The following KPNA3 variants were observed in gnomAD, a reference collection of about 807,000 sequenced individuals.
The protein encoded by KPNA3 is karyopherin subunit alpha 3.
Under a neutral mutation model 73.8 loss-of-function variants are expected in KPNA3, and 13 were observed. The observed-to-expected ratio is 0.18, with a 90% CI of 0.11 to 0.28. The LOEUF (loss-of-function observed/expected upper bound fraction) is 0.28. Ranked by LOEUF, KPNA3 falls within the 10% of genes least tolerant of loss-of-function variation. The pLI, the probability that KPNA3 is intolerant of heterozygous loss-of-function variation, is 1.00. For synonymous variants in KPNA3, 186 were observed against 206.9 expected, an observed-to-expected ratio of 0.90 and a Z score of 0.87; for missense variants, 360 against 618.1, an observed-to-expected ratio of 0.58 and a Z score of 4.43.
At chr13:49,741,080 G>A (rs1007701334) in intron 2 of KPNA3, among the ~76,000 whole-genome samples, 25 of 152,042 alleles carry the variant, frequency 1.6e-4, no homozygotes, top group Non-Finnish European at 2.9e-4. Flanking sequence ...CTTATCTCGG[G>A]TATTGTGATG....
At chr13:49,770,848 A>AAAAAG (rs1293661043) in intron 1 of KPNA3, among the ~76,000 whole-genome samples, 4 of 147,982 alleles carry the variant, frequency 2.7e-5, no homozygotes, top group African/African-American at 7.6e-5. Context: ...AAAAAAAAAA[A>AAAAAG]AAAAGAAAAG....
intron 1 of KPNA3, among the ~76,000 whole-genome samples, chr13:49,788,852 G>C (rs1330443370): frequency 6.7e-6 from 1 of 150,136 alleles, no homozygotes; most frequent in Non-Finnish European, 1.5e-5. Context: ...ATTTCTATCA[G>C]TGATGATAAT....
intron 15 of KPNA3, among the ~76,000 whole-genome samples, chr13:49,703,123 C>T (rs1319896533): frequency 2.0e-5 from 3 of 151,744 alleles, no homozygotes; most frequent in East Asian, 3.9e-4. Flanking sequence ...CCACCTCGGC[C>T]TCCCAAAGTG....
chr13:49,718,962 T>A (rs982526733), intron 10 of KPNA3, among the ~76,000 whole-genome samples: 2 of 58,936 alleles, frequency 3.4e-5, no homozygotes. Flanking sequence ...GTTATGTGTA[T>A]GTAGATAAAG....
intron 1 of KPNA3, among the ~76,000 whole-genome samples, chr13:49,785,891 G>A (rs1350028402): frequency 6.6e-6 from 1 of 152,168 alleles, no homozygotes; most frequent in Non-Finnish European, 1.5e-5. Flanking sequence ...TGGTTAAACA[G>A]AGCCAAGAGG....
At chr13:49,760,573 T>A (rs1224494123) in intron 1 of KPNA3, among the ~76,000 whole-genome samples, 1 of 152,186 alleles carries the variant, frequency 6.6e-6, no homozygotes, top group South Asian at 2.1e-4. Flanking sequence ...AATCGCAATG[T>A]GTGGACCTTG....
intron 1 of KPNA3, among the ~76,000 whole-genome samples, chr13:49,770,961 A>T (rs1954850146): frequency 6.6e-6 from 1 of 151,936 alleles, no homozygotes; most frequent in Non-Finnish European, 1.5e-5. Context: ...AGTATCACAC[A>T]GTCTTAATTA....
At chr13:49,708,576 A>C (rs958376182) in intron 12 of KPNA3, among the ~76,000 whole-genome samples, 1 of 152,242 alleles carries the variant, frequency 6.6e-6, no homozygotes, top group African/African-American at 2.4e-5. Flanking sequence ...TTTGTATGCC[A>C]ATGTTCACTG....
chr13:49,792,319 G>A (rs1955040927), intron 1 of KPNA3, 119 bp downstream of exon 1: 5 of 466,000 alleles, frequency 1.1e-5, no homozygotes, highest in Non-Finnish European at 3.2e-6. Flanking sequence ...ACGGGAGGCG[G>A]CGGCCAACTC....
chr13:49,721,829 A>G (rs964492491), intron 9 of KPNA3, 126 bp downstream of exon 9: 16 of 634,302 alleles, frequency 2.5e-5, no homozygotes, highest in Middle Eastern at 2.9e-4. Context: ...TCAAACAAAC[A>G]AACAAACAAA....
chr13:49,785,425 T>A (rs988890097), intron 1 of KPNA3, among the ~76,000 whole-genome samples: 1 of 152,050 alleles, frequency 6.6e-6, no homozygotes, highest in Non-Finnish European at 1.5e-5. Flanking sequence ...ACAGTGAGGG[T>A]GATGATGCCA....
Position 49,792,446 on chromosome 13 carries a change from C to G in KPNA3, c.61G>C (p.Asp21His). 2 of 1,577,918 alleles carry G rather than the reference C, an allele frequency of 1.3e-6. No individual in the cohort carries two copies. Among genetic ancestry groups the G allele is most frequent in the Non-Finnish European group, 1.7e-6 (2 of 1,163,868 alleles). ...RIKSFKNKGR[D>H]VETMRRHRNE... The stretch of plus-strand genomic sequence containing the variant: ...CGCGGAAGCACACTCACTTCCACAT[C>G]GCGGCCCTTGTTCTTGAAGCTCTTG... The change falls in exon 1 of 17, where the codon GAT (aspartate) becomes CAT (histidine). Residue 21 changes from aspartate to histidine, a missense_variant. Asp to His is a moderately conservative substitution (Grantham distance 81). Transcript: ENST00000261667.
At chr13:49,752,094 T>A (rs894897168) in intron 1 of KPNA3, among the ~76,000 whole-genome samples, 1 of 152,172 alleles carries the variant, frequency 6.6e-6, no homozygotes, top group African/African-American at 2.4e-5. Context: ...AAATCATGAA[T>A]GACTAGAGAC....
chr13:49,713,328 G>A (rs1015550855), intron 10 of KPNA3, among the ~76,000 whole-genome samples: 4 of 123,150 alleles, frequency 3.2e-5, no homozygotes, highest in Admixed American at 1.6e-4. Context: ...ACAAATATAT[G>A]TAAAAACATA....
chr13:49,761,302 T>G (rs912777319), intron 1 of KPNA3, among the ~76,000 whole-genome samples: 3 of 152,178 alleles, frequency 2.0e-5, no homozygotes, highest in African/African-American at 4.8e-5. Flanking sequence ...GAAGCTGGAC[T>G]GTACTGCTGC....
chr13:49,729,538 A>G (rs1954441640), intron 6 of KPNA3, among the ~76,000 whole-genome samples: 1 of 152,222 alleles, frequency 6.6e-6, no homozygotes, highest in Non-Finnish European at 1.5e-5. Flanking sequence ...TAATCCCAGC[A>G]CTTTGAGAGG....
At chr13:49,747,249 G>T (rs1302397816) in intron 1 of KPNA3, among the ~76,000 whole-genome samples, 1 of 152,142 alleles carries the variant, frequency 6.6e-6, no homozygotes, top group Non-Finnish European at 1.5e-5. Flanking sequence ...GGAGACTGAG[G>T]CAGGAGAACT....
intron 11 of KPNA3, 87 bp downstream of exon 11, chr13:49,710,804 C>A (rs929902912): frequency 1.7e-6 from 2 of 1,170,800 alleles, no homozygotes; most frequent in Non-Finnish European, 2.4e-6. Flanking sequence ...TAAGCACTTA[C>A]AGATAGAATT....
chr13:49,760,377 T>C (rs1235979311), intron 1 of KPNA3, among the ~76,000 whole-genome samples: 1 of 139,148 alleles, frequency 7.2e-6, no homozygotes, highest in Non-Finnish European at 1.5e-5. Flanking sequence ...ATCACACCAC[T>C]GCACTCCAGC....
Sources: gnomAD v4.1 joint callset for allele counts (sites outside exome capture counted in the v4.1 genomes callset) on GRCh38, gnomAD v4.1.1 for gene constraint, MANE v1.5 for transcripts, NCBI Gene and HGNC (gene_info 2026-07-23, HGNC 2026-07-21) for gene names.